HMCN2: variants seen among roughly 807,000 people sequenced by gnomAD.
HMCN2 encodes hemicentin-2.
A neutral mutation model predicts 377.5 loss-of-function variants in HMCN2; 325 were observed. That is an observed-to-expected ratio of 0.86 (90% confidence interval 0.79 to 0.94). HMCN2 has a LOEUF of 0.94. HMCN2 is among the 40% of genes least tolerant of loss of function. The pLI is 0.00. For missense variants in HMCN2, 4,543 were observed against 4,725.3 expected, an observed-to-expected ratio of 0.96 and a Z score of 1.13; for synonymous variants, 2,007 against 2,046.8, an observed-to-expected ratio of 0.98 and a Z score of 0.53.
In HMCN2 at chr9:130,392,193, T is replaced by G. The variant is rs541784246; in HGVS notation, c.10136+75T>G. Reference sequence around the variant, plus strand: ...GTGGGGATTGTCAGCAAATGGGAGGTGCTGGAAGCCAGGACTGGCTGCAAC... The same window carrying G: ...GTGGGGATTGTCAGCAAATGGGAGGGGCTGGAAGCCAGGACTGGCTGCAAC... On this transcript the variant is annotated intron_variant, in intron 66 of 97. Coordinates refer to ENST00000683500, the MANE Select transcript of HMCN2 (RefSeq NM_001291815.2). The G allele has an allele frequency of 2.0e-5, 19 of 967,954 alleles. 1 individual carries two copies. In the South Asian group the frequency reaches 6.2e-4, roughly 32 times the overall value. 60.0% of individuals were successfully genotyped at this position (967,954 alleles called of 1,614,324 possible).
chr9:130,369,709 G>A lies in HMCN2; in HGVS notation c.6927G>A (p.Gly2309=). The A allele has an allele frequency of 1.0e-6, 1 of 986,012 alleles. No individual in the cohort carries two copies. The highest frequency in any genetic ancestry group is 1.2e-6 in the Non-Finnish European group (1 of 830,036). The allele number at this position is 986,012 out of a possible 1,614,324, so 61.1% of individuals were successfully genotyped here. A position where few individuals can be genotyped will look rare whatever the true frequency, so the allele number is the denominator to read the frequency against. The part of the protein sequence containing the change: ...VTWERDGQPV[G]AELGLQLQNQ... The stretch of plus-strand genomic sequence containing the variant: ...GGGAGCGGGACGGCCAGCCCGTGGG[G>A]GCTGAACTGGGCCTGCAGCTGCAGA... Residue 2309 remains glycine, a synonymous_variant, in exon 45 of 98, where the codon GGG becomes GGA. Transcript: ENST00000683500. The surrounding 1 kb of genome is among the most constrained non-coding windows in gnomAD (Gnocchi z 4.5).
At chr9:130,321,523 C>T (rs1243922792) in intron 18 of HMCN2, among the ~76,000 whole-genome samples, 1 of 152,076 alleles carries the variant, frequency 6.6e-6, no homozygotes, top group Non-Finnish European at 1.5e-5. Flanking sequence ...TTGGGTCAGG[C>T]TCACCCTGGT....
At chr9:130,400,974 G>A (rs919322056) in intron 77 of HMCN2, 27 bp downstream of exon 77, 23 of 1,273,642 alleles carry the variant, frequency 1.8e-5, no homozygotes, top group Non-Finnish European at 2.3e-5. Context: ...CACAGAGAGA[G>A]GCAGCTGAGG....
rs1844935480 is a variant in HMCN2, at chr9:130,433,979, G to A, written c.*286G>A. 2.8e-6 allele frequency: 1 copy of A among 356,688 alleles called. No individual in the cohort carries two copies. 22.1% of individuals were successfully genotyped at this position (356,688 alleles called of 1,614,324 possible). On this transcript the variant is annotated 3_prime_UTR_variant, in exon 98 of 98. Coordinates refer to ENST00000683500, the MANE Select transcript of HMCN2 (RefSeq NM_001291815.2). ...TCCAGGTCTGATCCGCCCCTCAGTGGGAGCGGGACAGGGACACAGGGCACC... is the reference window on the plus strand; with the variant it reads ...TCCAGGTCTGATCCGCCCCTCAGTGAGAGCGGGACAGGGACACAGGGCACC...
At chr9:130,373,291 T>C (rs966174739) in intron 48 of HMCN2, among the ~76,000 whole-genome samples, 167 bp downstream of exon 48, 1 of 152,182 alleles carries the variant, frequency 6.6e-6, no homozygotes, top group Non-Finnish European at 1.5e-5. Flanking sequence ...TTGCATGTGT[T>C]CTTCCATCCC....
intron 23 of HMCN2, chr9:130,338,715 G>A (rs1383730499): frequency 3.3e-5 from 5 of 152,190 alleles, no homozygotes; most frequent in African/African-American, 1.2e-4. Context: ...CTCGTCATCC[G>A]AAAGAACCCT....
chr9:130,343,561 T>C (rs918431663), intron 25 of HMCN2, among the ~76,000 whole-genome samples: 2 of 146,410 alleles, frequency 1.4e-5, no homozygotes, highest in African/African-American at 4.9e-5. Flanking sequence ...TCCCCGGCCC[T>C]TGACTATGGC....
chr9:130,403,682 C>T (rs1158143654), intron 79 of HMCN2, 59 bp from the exon 80 acceptor site: 2 of 1,270,544 alleles, frequency 1.6e-6, no homozygotes, highest in African/African-American at 1.5e-5. Flanking sequence ...CCAATCTGCC[C>T]ACCTCGGGGG....
rs1839087977 is a variant in HMCN2 at position 130,342,063 on chromosome 9, A to AT, written c.3743-287_3743-286insT. Among the ~76,000 whole-genome samples the AT allele has an allele frequency of 2.6e-5, 4 of 151,650 alleles. No individual in the cohort carries two copies. The East Asian group carries it at 5.8e-4, about 22-fold the overall frequency. On this transcript the variant is annotated intron_variant, in intron 24 of 97. Coordinates refer to ENST00000683500, the MANE Select transcript of HMCN2 (RefSeq NM_001291815.2). Reference sequence around the variant, plus strand: ...AATAAATAAATAAATAAATAAATAAAAGCTTGGAAAGCCACTGCTGAGAGG... The same window carrying AT: ...AATAAATAAATAAATAAATAAATAAATAGCTTGGAAAGCCACTGCTGAGAGG...
intron 40 of HMCN2, among the ~76,000 whole-genome samples, chr9:130,364,009 GAAAA>G (rs1337275867): frequency 9.9e-5 from 15 of 151,936 alleles, no homozygotes; most frequent in Non-Finnish European, 1.5e-4. Flanking sequence ...AGGAAAGAAA[GAAAA>G]AGAAAGAAAA....
chr9:130,391,004 C>CCCGGGGGGGCCGCCT lies in HMCN2; in HGVS notation c.9554_9568dup (p.Arg3185_Leu3189dup). On this transcript the variant is annotated inframe_insertion, in exon 63 of 98. Transcript: ENST00000683500. ...AGCAGCGCGGTGCACGGTGTGGTCTCCCGGGGGGGCCGCCTCCAGCTGAGC... is the reference window on the plus strand; with the variant it reads ...AGCAGCGCGGTGCACGGTGTGGTCTCCCGGGGGGGCCGCCTCCGGGGGGGCCGCCTCCAGCTGAGC... The CCCGGGGGGGCCGCCT allele has an allele frequency of 3.0e-6, 3 of 987,314 alleles. No individual in the cohort carries two copies. The highest frequency in any genetic ancestry group is 3.6e-6 in the Non-Finnish European group (3 of 830,202). The allele number at this position is 987,314 out of a possible 1,614,324, so 61.2% of individuals were successfully genotyped here. A position where few individuals can be genotyped will look rare whatever the true frequency, so the allele number is the denominator to read the frequency against.
chr9:130,372,001 C>G lies in HMCN2; in HGVS notation c.7238-293C>G, dbSNP rs539919217. Among the ~76,000 whole-genome samples, 14 of 152,312 alleles carry G rather than the reference C, an allele frequency of 9.2e-5. No homozygotes were observed. In the South Asian group the frequency reaches 2.5e-3, roughly 27 times the overall value. On this transcript the variant is annotated intron_variant, in intron 46 of 97. Transcript: ENST00000683500. ...GGCCAGGACTACATAACCCATTACTCTCCCTTCAGCTCCAGCCAATCCCCA... is the reference window on the plus strand; with the variant it reads ...GGCCAGGACTACATAACCCATTACTGTCCCTTCAGCTCCAGCCAATCCCCA...
rs1464052194 is a variant in HMCN2 at position 130,295,778 on chromosome 9, G to T, written c.891+6G>T. 4.2e-6 allele frequency: 2 copies of T among 470,694 alleles called. No homozygotes were observed. The highest frequency in any genetic ancestry group is 8.8e-6 in the Non-Finnish European group (2 of 226,878). 29.2% of individuals were successfully genotyped at this position (470,694 alleles called of 1,614,324 possible). A position where few individuals can be genotyped will look rare whatever the true frequency, so the allele number is the denominator to read the frequency against. ...CGGGGCTGTGGTCCATCAAGGTAGG[G>T]GCACTGGGTTGCAGGAGAAAGGTCG... On this transcript the variant is annotated splice_donor_region_variant and intron_variant, in intron 6 of 97. Transcript: ENST00000683500.
At chr9:130,376,016 C>T (rs556394041) in intron 51 of HMCN2, 27 bp downstream of exon 51, 112 of 970,326 alleles carry the variant, frequency 1.2e-4, no homozygotes, top group Non-Finnish European at 1.3e-4. Context: ...GGGGCACAGC[C>T]GGGTGGGCAG....
intron 77 of HMCN2, 110 bp from the exon 78 acceptor site, chr9:130,402,679 A>G: frequency 1.8e-6 from 1 of 553,266 alleles, no homozygotes; most frequent in East Asian, 7.1e-5. Context: ...TAAATGGGCA[A>G]AGGAGGCAGG....
intron 85 of HMCN2, among the ~76,000 whole-genome samples, chr9:130,415,012 C>A (rs1344423004): frequency 1.3e-5 from 2 of 152,136 alleles, no homozygotes; most frequent in Non-Finnish European, 2.9e-5. Flanking sequence ...CCCTCCCAGC[C>A]AGGATGGTGC....
Position 130,398,559 on chromosome 9 carries a change from G to T in HMCN2, c.11335G>T (p.Ala3779Ser). 1 of 1,244,432 alleles carries T rather than the reference G, an allele frequency of 8.0e-7. No homozygotes were observed. The highest frequency in any genetic ancestry group is 5.8e-5 in the East Asian group (1 of 17,362). The allele number at this position is 1,244,432 out of a possible 1,614,324, so 77.1% of individuals were successfully genotyped here. A position where few individuals can be genotyped will look rare whatever the true frequency, so the allele number is the denominator to read the frequency against. ...CACTGTGCTCTCCCCAGAGCCTCCA[G>T]CCATCGCCCCCAGCCCCTCCAACCT... is the stretch of plus-strand genomic sequence containing the variant. ...GRDLRVLEPP[A>S]IAPSPSNLTL... The change falls in exon 75 of 98, where the codon GCC becomes TCC. Residue 3779 changes from alanine (A) to serine (S), a missense_variant. By Grantham distance (99) the Ala-to-Ser change is moderately conservative. Coordinates refer to ENST00000683500, the MANE Select transcript of HMCN2 (RefSeq NM_001291815.2).
chr9:130,372,235 G>A (rs904551577), intron 46 of HMCN2, 59 bp from the exon 47 acceptor site: 12 of 632,972 alleles, frequency 1.9e-5, no homozygotes, highest in African/African-American at 1.8e-4. Context: ...CAGGGGGCTC[G>A]GCTTGGGACA....
chr9:130,415,147 A>T (rs1472584344), intron 85 of HMCN2, among the ~76,000 whole-genome samples: 1 of 152,174 alleles, frequency 6.6e-6, no homozygotes, highest in East Asian at 1.9e-4. Flanking sequence ...ATCTAGCAGA[A>T]GTGAGTGGCA....
Sources: allele counts gnomAD v4.1 joint callset (sites outside exome capture counted in the v4.1 genomes callset), GRCh38; gene constraint gnomAD v4.1.1; non-coding constraint Gnocchi (gnomAD v3.1); transcripts MANE v1.5; gene names NCBI Gene and HGNC (gene_info 2026-07-23, HGNC 2026-07-21).